Variants in CTNNA3 observed in about 807,000 individuals in gnomAD.
CTNNA3 encodes the protein catenin alpha-3.
In CTNNA3, 76 loss-of-function variants were observed where a neutral mutation model predicts 95.7. That is an observed-to-expected ratio of 0.79 (90% CI 0.66 to 0.96). The LOEUF is 0.96. CTNNA3 is among the 40% of genes least tolerant of loss of function. The pLI, the probability that CTNNA3 is intolerant of heterozygous loss-of-function variation, is 0.00. For missense variants in CTNNA3, 1,191 were observed against 1,089.8 expected (o/e 1.09, Z -1.31); for synonymous variants, 431 against 374.4 (o/e 1.15, Z -1.74).
intron 15 of CTNNA3, among the ~76,000 whole-genome samples, chr10:66,042,917 A>G (rs1444198785): frequency 6.9e-6 from 1 of 144,902 alleles, no homozygotes; most frequent in African/African-American, 2.5e-5. Flanking sequence ...AAAAAAAAAA[A>G]AAAAAAAAAA....
chr10:66,936,070 C>A (rs145690057), intron 7 of CTNNA3, among the ~76,000 whole-genome samples: 450 of 152,228 alleles, frequency 3.0e-3, no homozygotes, highest in Non-Finnish European at 5.3e-3. Context: ...TCATGTCATT[C>A]ATTAAAAAGC....
At chr10:66,060,578 C>G (rs1281233149) in intron 15 of CTNNA3, among the ~76,000 whole-genome samples, 1 of 151,994 alleles carries the variant, frequency 6.6e-6, no homozygotes, top group Non-Finnish European at 1.5e-5. Flanking sequence ...AGTCAGAGTT[C>G]AAACCAGCAA....
chr10:67,373,627 C>T (rs999781123), intron 5 of CTNNA3, among the ~76,000 whole-genome samples: 2 of 152,032 alleles, frequency 1.3e-5, no homozygotes, highest in African/African-American at 4.8e-5. Context: ...AAGATCTCCA[C>T]TTGTTAAGTG....
intron 9 of CTNNA3, among the ~76,000 whole-genome samples, chr10:66,648,336 G>T (rs187256062): frequency 6.6e-6 from 1 of 152,028 alleles, no homozygotes; most frequent in African/African-American, 2.4e-5. Flanking sequence ...ACTCTGGCCC[G>T]CCATGGTGAA....
chr10:67,586,041 CA>C (rs1293882066), intron 3 of CTNNA3, among the ~76,000 whole-genome samples: 1 of 151,918 alleles, frequency 6.6e-6, no homozygotes, highest in Non-Finnish European at 1.5e-5. Flanking sequence ...TCATTTGTTT[CA>C]AAAAAATTTT....
intron 4 of CTNNA3, among the ~76,000 whole-genome samples, chr10:67,538,156 C>CAAAAAAAAAAAA (rs1840543268): frequency 2.6e-4 from 6 of 23,146 alleles, no homozygotes; most frequent in African/African-American, 1.7e-3. Flanking sequence ...GCTACTTAAA[C>CAAAAAAAAAAAA]TAAAAAAAAA....
In CTNNA3 at chr10:67,558,666, G is replaced by A. The variant is rs147109585; in HGVS notation, c.293-18997C>T. On this transcript the variant is annotated intron_variant, in intron 3 of 17. Coordinates refer to ENST00000433211, the MANE Select transcript of CTNNA3 (RefSeq NM_013266.4). The stretch of plus-strand genomic sequence containing the variant: ...ACAGTGGGTGCAGTGCACTGTGCGC[G>A]AGCCAAAGCAGGGCAAGCATTGCCT... 7.3e-3 allele frequency among the ~76,000 whole-genome samples: 1,105 copies of A among 152,338 alleles called. 12 individuals carry two copies. The highest frequency in any genetic ancestry group is 0.025 in the African/African-American group (1,048 of 41,580).
chr10:67,452,649 T>C (rs1325353664), intron 5 of CTNNA3, among the ~76,000 whole-genome samples: 4 of 152,222 alleles, frequency 2.6e-5, no homozygotes, highest in Non-Finnish European at 5.9e-5. Flanking sequence ...CAGAAAAAGT[T>C]TTTCAATGGT....
At chr10:66,397,115 T>C (rs1047924122) in intron 11 of CTNNA3, among the ~76,000 whole-genome samples, 3 of 151,676 alleles carry the variant, frequency 2.0e-5, no homozygotes, top group African/African-American at 7.2e-5. Flanking sequence ...GAAGGAAATT[T>C]CCAAACTCCT....
At chr10:67,707,515 C>G (rs993508173) in intron 1 of CTNNA3, among the ~76,000 whole-genome samples, 1 of 152,092 alleles carries the variant, frequency 6.6e-6, no homozygotes, top group African/African-American at 2.4e-5. Flanking sequence ...CATCCTTCAC[C>G]TTCTCATAGA....
At chr10:67,253,849 G>C (rs78288109) in intron 5 of CTNNA3, among the ~76,000 whole-genome samples, 1 of 152,118 alleles carries the variant, frequency 6.6e-6, no homozygotes, top group Admixed American at 6.5e-5. Context: ...AGAAGGTAAT[G>C]CAATATGAGG....
intron 5 of CTNNA3, among the ~76,000 whole-genome samples, chr10:67,512,939 C>T (rs1315417156): frequency 2.6e-5 from 4 of 152,174 alleles, no homozygotes; most frequent in African/African-American, 9.6e-5. Context: ...GAGCCAAGAT[C>T]GCGTCACTGA....
intron 6 of CTNNA3, among the ~76,000 whole-genome samples, chr10:67,185,736 T>C (rs1862808339): frequency 6.6e-6 from 1 of 151,920 alleles, no homozygotes; most frequent in Admixed American, 6.6e-5. Context: ...AATTAAACCA[T>C]TTAGGCCAGG....
At chr10:67,102,748 T>A (rs1416058298) in intron 7 of CTNNA3, among the ~76,000 whole-genome samples, 2 of 151,892 alleles carry the variant, frequency 1.3e-5, no homozygotes, top group African/African-American at 4.8e-5. Context: ...TTATCTTTTT[T>A]AAATTGATTT....
rs183359845 is a variant in CTNNA3, at chr10:66,469,912, T to G, written c.1531+50705A>C. 5.1e-4 allele frequency among the ~76,000 whole-genome samples: 77 copies of G among 151,984 alleles called. 2 individuals carry two copies. In the East Asian group the frequency reaches 0.014, roughly 27 times the overall value. On this transcript the variant is annotated intron_variant, in intron 11 of 17. Transcript: ENST00000433211. The stretch of plus-strand genomic sequence containing the variant: ...AGAGAGGAAATGAGGGTAGTATCTT[T>G]TCTTCTATGAAGTTTGACTATAAAA...
intron 5 of CTNNA3, among the ~76,000 whole-genome samples, chr10:67,394,610 T>A (rs781545622): frequency 5.9e-5 from 9 of 152,114 alleles, no homozygotes; most frequent in Non-Finnish European, 1.2e-4. Flanking sequence ...TTATAATACC[T>A]GTATTAGAAT....
chr10:67,434,522 G>T (rs187997232), intron 5 of CTNNA3, among the ~76,000 whole-genome samples: 8 of 151,962 alleles, frequency 5.3e-5, no homozygotes, highest in Admixed American at 3.9e-4. Context: ...CCTATTATTT[G>T]CTGAATGGCA....
Position 66,890,242 on chromosome 10 carries a change from T to C in CTNNA3, c.1048-114718A>G, listed in dbSNP as rs373441068. Reference sequence around the variant, plus strand: ...TCAGGGTTGAAGGCTTGGCAGTTAATATAAACTTGAGAATCATCAACCTAC... The same window carrying C: ...TCAGGGTTGAAGGCTTGGCAGTTAACATAAACTTGAGAATCATCAACCTAC... On this transcript the variant is annotated intron_variant, in intron 7 of 17. Coordinates refer to ENST00000433211, the MANE Select transcript of CTNNA3 (RefSeq NM_013266.4). Among the ~76,000 whole-genome samples, 64 of 152,132 alleles carry C rather than the reference T, an allele frequency of 4.2e-4. No homozygotes were observed. In the South Asian group the frequency reaches 0.013, roughly 31 times the overall value.
chr10:66,603,546 T>C (rs1204848748), intron 10 of CTNNA3, among the ~76,000 whole-genome samples: 1 of 152,130 alleles, frequency 6.6e-6, no homozygotes, highest in African/African-American at 2.4e-5. Context: ...AGAATCCTTA[T>C]CAAATATTAA....
Sources: gnomAD v4.1 joint callset for allele counts (sites outside exome capture counted in the v4.1 genomes callset) on GRCh38, gnomAD v4.1.1 for gene constraint, MANE v1.5 for transcripts, NCBI Gene and HGNC (gene_info 2026-07-23, HGNC 2026-07-21) for gene names.